PPP4R3B: variants seen among roughly 807,000 people sequenced by gnomAD.
PPP4R3B encodes the protein serine/threonine-protein phosphatase 4 regulatory subunit 3B.
Under a neutral mutation model 95.4 loss-of-function variants are expected in PPP4R3B, and 52 were observed. That is an observed-to-expected ratio of 0.54 (90% CI 0.44 to 0.69). The LOEUF (loss-of-function observed/expected upper bound fraction) is 0.69. Among genes scored for constraint, PPP4R3B ranks in the 30% least tolerant of loss-of-function variants. PPP4R3B has a pLI of 0.00. For missense variants in PPP4R3B, 1,003 were observed against 1,005.9 expected, an observed-to-expected ratio of 1.00 and a Z score of 0.04; for synonymous variants, 407 against 343.9, an observed-to-expected ratio of 1.18 and a Z score of -2.03.
intron 1 of PPP4R3B, 96 bp downstream of exon 1, chr2:55,617,048 G>C (rs971639115): frequency 2.8e-6 from 4 of 1,416,702 alleles, no homozygotes; most frequent in Non-Finnish European, 2.9e-6. Flanking sequence ...GCGCTGTCCC[G>C]AAGGAGTAGC....
chr2:55,614,353 G>T (rs1396086942), intron 2 of PPP4R3B: 1 of 152,050 alleles, frequency 6.6e-6, no homozygotes, highest in African/African-American at 2.4e-5. Context: ...AGAATACCTG[G>T]AAATAATTCA....
chr2:55,590,561 A>T (rs1241177357), intron 4 of PPP4R3B, among the ~76,000 whole-genome samples: 3 of 152,290 alleles, frequency 2.0e-5, no homozygotes, highest in Admixed American at 2.0e-4. Context: ...AATGGGCAAA[A>T]ATATTAAAAT....
At chr2:55,607,694 C>T (rs1244605252) in intron 2 of PPP4R3B, among the ~76,000 whole-genome samples, 1 of 152,146 alleles carries the variant, frequency 6.6e-6, no homozygotes, top group Non-Finnish European at 1.5e-5. Flanking sequence ...AAGTAAATCA[C>T]TGGCGACTGG....
intron 2 of PPP4R3B, among the ~76,000 whole-genome samples, chr2:55,610,844 A>T (rs1257139773): frequency 3.3e-5 from 5 of 150,342 alleles, no homozygotes; most frequent in Non-Finnish European, 7.4e-5. Flanking sequence ...ATTGTGTTAA[A>T]TAGGTACACA....
At chr2:55,589,686 C>T (rs1469583028) in intron 4 of PPP4R3B, among the ~76,000 whole-genome samples, 1 of 151,740 alleles carries the variant, frequency 6.6e-6, no homozygotes, top group African/African-American at 2.4e-5. Context: ...AAGGCCGAGG[C>T]GGGCGGATCA....
At chr2:55,607,944 G>C (rs1347701918) in intron 2 of PPP4R3B, among the ~76,000 whole-genome samples, 2 of 152,160 alleles carry the variant, frequency 1.3e-5, no homozygotes, top group Admixed American at 1.3e-4. Context: ...TGAAAGAGAA[G>C]GTCCAGGTAA....
chr2:55,554,653 T>C (rs1408765803), intron 16 of PPP4R3B, among the ~76,000 whole-genome samples: 3 of 152,226 alleles, frequency 2.0e-5, no homozygotes, highest in Non-Finnish European at 2.9e-5. Flanking sequence ...CAGTTACTTA[T>C]CAGATATATC....
intron 14 of PPP4R3B, 117 bp downstream of exon 14, chr2:55,564,785 T>G (rs1035566789): frequency 8.1e-7 from 1 of 1,237,262 alleles, no homozygotes; most frequent in African/African-American, 1.5e-5. Flanking sequence ...TATTCAACTC[T>G]ATGCTATCCA....
intron 2 of PPP4R3B, among the ~76,000 whole-genome samples, chr2:55,605,080 G>A (rs928551317): frequency 2.6e-5 from 4 of 151,930 alleles, no homozygotes; most frequent in African/African-American, 9.7e-5. Flanking sequence ...CAAGCGATCC[G>A]CCTGCCTCGA....
intron 6 of PPP4R3B, 88 bp downstream of exon 6, chr2:55,586,530 T>G: frequency 1.4e-6 from 1 of 692,606 alleles, no homozygotes; most frequent in Non-Finnish European, 2.4e-6. Context: ...TAGAATTGAA[T>G]ATACATTATT....
intron 3 of PPP4R3B, among the ~76,000 whole-genome samples, chr2:55,601,152 A>G (rs1283786937): frequency 1.3e-5 from 2 of 151,282 alleles, no homozygotes; most frequent in African/African-American, 2.4e-5. Context: ...AAAAAAAAAA[A>G]AAAAAAAAAA....
chr2:55,587,547 G>A (rs1445662095), intron 5 of PPP4R3B, among the ~76,000 whole-genome samples: 1 of 152,200 alleles, frequency 6.6e-6, no homozygotes, highest in Non-Finnish European at 1.5e-5. Flanking sequence ...TCATGCCACT[G>A]CACTCCAGTC....
chr2:55,581,636 T>G lies in PPP4R3B; in HGVS notation c.1296A>C (p.Gly432=). 1 of 1,613,762 alleles carries G rather than the reference T, an allele frequency of 6.2e-7. No homozygotes were observed. Among genetic ancestry groups the G allele is most frequent in the Non-Finnish European group, 8.5e-7 (1 of 1,179,826 alleles). ...GAAGTCCCATTAACTGAACAGCGCCTCCTAGCTCAGGATCAGTATCACAGA... is the reference window on the plus strand; with the variant it reads ...GAAGTCCCATTAACTGAACAGCGCCGCCTAGCTCAGGATCAGTATCACAGA... ...QMICDTDPEL[G]GAVQLMGLLR... The change falls in exon 8 of 17, where the codon GGA becomes GGC. Residue 432 remains glycine, a synonymous_variant. Coordinates refer to ENST00000616407, the MANE Select transcript of PPP4R3B (RefSeq NM_001122964.3).
At chr2:55,577,142 CT>C (rs901584701) in intron 11 of PPP4R3B, among the ~76,000 whole-genome samples, 172 bp downstream of exon 11, 1 of 152,114 alleles carries the variant, frequency 6.6e-6, no homozygotes, top group Admixed American at 6.6e-5. Context: ...AGAATTCCAA[CT>C]CGTTTTCTAT....
rs113641618 is a variant in PPP4R3B, at chr2:55,587,325, T to C, written c.1000-591A>G. ...CTGGCGGGGCACAGTGGCTCACGCC[T>C]GTAATCCCAACATTTTGGGAGGCTG... On this transcript the variant is annotated intron_variant, in intron 5 of 16. Transcript: ENST00000616407. Among the ~76,000 whole-genome samples, 485 of 152,378 alleles carry C rather than the reference T, an allele frequency of 3.2e-3. 5 individuals carry two copies. Among genetic ancestry groups the C allele is most frequent in the African/African-American group, 0.011 (467 of 41,588 alleles).
At chr2:55,602,158 G>T (rs1306910396) in intron 3 of PPP4R3B, among the ~76,000 whole-genome samples, 1 of 152,126 alleles carries the variant, frequency 6.6e-6, no homozygotes, top group Non-Finnish European at 1.5e-5. Context: ...GGTATGACAT[G>T]GTTTTATAGG....
At chr2:55,597,946 G>C (rs113248124) in intron 4 of PPP4R3B, among the ~76,000 whole-genome samples, 1 of 152,138 alleles carries the variant, frequency 6.6e-6, no homozygotes, top group Non-Finnish European at 1.5e-5. Context: ...GGCTGGGCGC[G>C]GTGGCTCACG....
chr2:55,609,287 G>A (rs1018954014), intron 2 of PPP4R3B, among the ~76,000 whole-genome samples: 4 of 152,062 alleles, frequency 2.6e-5, no homozygotes, highest in African/African-American at 9.7e-5. Context: ...GCCCCGAAAA[G>A]CTGGGACTAC....
chr2:55,603,110 G>A (rs920936651), intron 3 of PPP4R3B, among the ~76,000 whole-genome samples: 10 of 151,992 alleles, frequency 6.6e-5, no homozygotes, highest in African/African-American at 1.2e-4. Flanking sequence ...GCGCTACCAC[G>A]CCCAGCTAAT....
Sources: allele counts gnomAD v4.1 joint callset (sites outside exome capture counted in the v4.1 genomes callset), GRCh38; gene constraint gnomAD v4.1.1; transcripts MANE v1.5; gene names NCBI Gene and HGNC (gene_info 2026-07-23, HGNC 2026-07-21).